Variants in RAPGEF5 observed in about 807,000 individuals in gnomAD.
The protein encoded by RAPGEF5 is Rap guanine nucleotide exchange factor 5.
RAPGEF5 carries 65 observed loss-of-function variants against 125.2 expected under a neutral mutation model. The ratio of observed to expected loss-of-function variants is 0.52; its 90% confidence interval spans 0.43 to 0.64. The LOEUF (loss-of-function observed/expected upper bound fraction) is 0.64. Among genes scored for constraint, RAPGEF5 ranks in the 30% least tolerant of loss-of-function variants. RAPGEF5 has a pLI of 0.00. For synonymous variants in RAPGEF5, 391 were observed against 385.9 expected (o/e 1.01, Z -0.16); for missense variants, 958 against 1,048.1 (o/e 0.91, Z 1.19).
At chr7:22,318,062 A>T (rs1411418204) in intron 1 of RAPGEF5, 25 bp from the exon 2 acceptor site, 1 of 1,520,326 alleles carries the variant, frequency 6.6e-7, no homozygotes. Flanking sequence ...GAAAAAAAAA[A>T]TAGTTAGAAC....
In RAPGEF5 at chr7:22,341,020, C is replaced by T. The variant is rs190779399; in HGVS notation, c.231+15810G>A. On this transcript the variant is annotated intron_variant, in intron 1 of 25. Coordinates refer to ENST00000665637, the MANE Select transcript of RAPGEF5 (RefSeq NM_012294.5). ...GCTGCATGAGGTCATCCCTTGACTC[C>T]CTCACACATCCATGTTTTCTGACAT... Among the ~76,000 whole-genome samples, 4 of 152,274 alleles carry T rather than the reference C, an allele frequency of 2.6e-5. No homozygotes were observed. The East Asian group carries it at 7.7e-4, about 29-fold the overall frequency.
intron 25 of RAPGEF5, among the ~76,000 whole-genome samples, chr7:22,124,060 G>C: frequency 6.6e-6 from 1 of 152,196 alleles, no homozygotes; most frequent in Non-Finnish European, 1.5e-5. Flanking sequence ...CAACTGGCTT[G>C]ATAGTTACTT....
chr7:22,327,750 G>T (rs528648072), intron 1 of RAPGEF5, among the ~76,000 whole-genome samples: 2 of 152,300 alleles, frequency 1.3e-5, no homozygotes, highest in African/African-American at 4.8e-5. Flanking sequence ...AAAACTAAAT[G>T]ACTTAAAATT....
intron 9 of RAPGEF5, among the ~76,000 whole-genome samples, chr7:22,214,648 C>A (rs915404291): frequency 1.3e-5 from 2 of 152,126 alleles, no homozygotes; most frequent in African/African-American, 4.8e-5. Context: ...ATCTAAGTTA[C>A]GACTGGGCAA....
chr7:22,276,593 T>G (rs566300585), intron 6 of RAPGEF5, among the ~76,000 whole-genome samples: 1 of 152,346 alleles, frequency 6.6e-6, no homozygotes, highest in East Asian at 1.9e-4. Context: ...TAGCGAAGAC[T>G]GTTTCCAGCT....
chr7:22,170,591 C>T (rs1008247584), intron 11 of RAPGEF5, among the ~76,000 whole-genome samples: 1 of 152,070 alleles, frequency 6.6e-6, no homozygotes, highest in African/African-American at 2.4e-5. Flanking sequence ...AAAAGAACAC[C>T]ATTAAACCAT....
At position 22,121,398 on chromosome 7, in the gene RAPGEF5, G is replaced by A. The variant is rs1782579325; in HGVS notation, c.*1008C>T. ...TATCTTATTACCTAGAGAGTGCTAA[G>A]TGCTTCACTCATTAAATGTCACTTA... On this transcript the variant is annotated 3_prime_UTR_variant, in exon 26 of 26. Coordinates refer to ENST00000665637, the MANE Select transcript of RAPGEF5 (RefSeq NM_012294.5). The A allele has an allele frequency of 6.6e-6, 1 of 152,124 alleles. No individual in the cohort carries two copies. Among genetic ancestry groups the A allele is most frequent in the Non-Finnish European group, 1.5e-5 (1 of 68,036 alleles). 9.4% of individuals were successfully genotyped at this position (152,124 alleles called of 1,614,324 possible).
intron 7 of RAPGEF5, among the ~76,000 whole-genome samples, chr7:22,235,416 C>G (rs1186507715): frequency 6.6e-6 from 1 of 152,192 alleles, no homozygotes; most frequent in Non-Finnish European, 1.5e-5. Context: ...TGGAACAGAA[C>G]AGGGCTGGTC....
chr7:22,201,564 G>C (rs1785277825), intron 9 of RAPGEF5, among the ~76,000 whole-genome samples: 1 of 152,218 alleles, frequency 6.6e-6, no homozygotes, highest in African/African-American at 2.4e-5. Flanking sequence ...AAAAGCTTTA[G>C]GGTAGGGTGT....
At chr7:22,241,828 C>T (rs1786339295) in intron 7 of RAPGEF5, among the ~76,000 whole-genome samples, 1 of 152,092 alleles carries the variant, frequency 6.6e-6, no homozygotes, top group Admixed American at 6.6e-5. Flanking sequence ...TATTTATATT[C>T]CAACACCCAA....
chr7:22,338,258 C>A (rs1784061574), intron 1 of RAPGEF5, among the ~76,000 whole-genome samples: 1 of 152,180 alleles, frequency 6.6e-6, no homozygotes, highest in African/African-American at 2.4e-5. Flanking sequence ...CAGACACCAA[C>A]CTTACCAAGG....
chr7:22,272,922 A>G (rs1225039286), intron 6 of RAPGEF5, among the ~76,000 whole-genome samples: 1 of 151,772 alleles, frequency 6.6e-6, no homozygotes, highest in Admixed American at 6.6e-5. Context: ...ATGCCCAGCT[A>G]ATTTGTTTGT....
rs189551925 is a variant in RAPGEF5, at chr7:22,272,102, G to C, written c.748-5090C>G. 2.6e-5 allele frequency among the ~76,000 whole-genome samples: 4 copies of C among 152,190 alleles called. No individual in the cohort carries two copies. In the East Asian group the frequency reaches 5.8e-4, roughly 22 times the overall value. On this transcript the variant is annotated intron_variant, in intron 6 of 25. Transcript: ENST00000665637. Reference sequence around the variant, plus strand: ...CTCATGCCTGCAATCCCAGCACTTTGGGAGGTCGAGGTGGGCAGATCATGA... The same window carrying C: ...CTCATGCCTGCAATCCCAGCACTTTCGGAGGTCGAGGTGGGCAGATCATGA...
intron 7 of RAPGEF5, among the ~76,000 whole-genome samples, chr7:22,260,598 C>T (rs972080007): frequency 4.0e-5 from 6 of 148,930 alleles, no homozygotes; most frequent in African/African-American, 1.5e-4. Context: ...CTACAAGGTA[C>T]CTAAAAATAC....
intron 9 of RAPGEF5, among the ~76,000 whole-genome samples, chr7:22,201,612 A>G (rs1277408188): frequency 6.6e-6 from 1 of 152,194 alleles, no homozygotes; most frequent in Non-Finnish European, 1.5e-5. Flanking sequence ...CAATTTCTAC[A>G]TGCTTTATGG....
At chr7:22,197,471 G>T (rs1052801671) in intron 9 of RAPGEF5, among the ~76,000 whole-genome samples, 1 of 152,174 alleles carries the variant, frequency 6.6e-6, no homozygotes, top group African/African-American at 2.4e-5. Context: ...TGATAGGAAG[G>T]CATTTGTAGC....
At chr7:22,150,355 G>A (rs988229795) in intron 18 of RAPGEF5, 52 bp downstream of exon 18, 107 of 1,564,906 alleles carry the variant, frequency 6.8e-5, no homozygotes, top group Non-Finnish European at 8.4e-5. Flanking sequence ...TTACAGGTAT[G>A]AGCCACCTCG....
chr7:22,138,490 C>T (rs1010924647), intron 21 of RAPGEF5, among the ~76,000 whole-genome samples: 2 of 148,914 alleles, frequency 1.3e-5, no homozygotes, highest in Non-Finnish European at 3.0e-5. Context: ...ACTTTCCATT[C>T]ATCCAGTCAC....
chr7:22,225,971 C>T (rs1785909182), intron 8 of RAPGEF5, among the ~76,000 whole-genome samples: 1 of 152,144 alleles, frequency 6.6e-6, no homozygotes, highest in Admixed American at 6.5e-5. Flanking sequence ...GGTCCATCCC[C>T]TCAATGGCAG....
Sources: allele counts gnomAD v4.1 joint callset (sites outside exome capture counted in the v4.1 genomes callset), GRCh38; gene constraint gnomAD v4.1.1; transcripts MANE v1.5; gene names NCBI Gene and HGNC (gene_info 2026-07-23, HGNC 2026-07-21).